Variants in WNT7A observed in about 807,000 individuals in gnomAD.
The protein encoded by WNT7A is Wnt family member 7A, also known as protein Wnt-7a.
In WNT7A, 16 loss-of-function variants were observed where a neutral mutation model predicts 28.2. That is an observed-to-expected ratio of 0.57 (90% CI 0.38 to 0.86). The LOEUF is 0.86. Among genes scored for constraint, WNT7A ranks in the 40% least tolerant of loss-of-function variants. The pLI is 0.00. For missense variants in WNT7A, 411 were observed against 489.7 expected, an observed-to-expected ratio of 0.84 and a Z score of 1.52; for synonymous variants, 190 against 195.9, an observed-to-expected ratio of 0.97 and a Z score of 0.25.
intron 2 of WNT7A, among the ~76,000 whole-genome samples, chr3:13,867,601 A>G (rs960796838): frequency 7.9e-5 from 12 of 152,140 alleles, no homozygotes; most frequent in African/African-American, 2.7e-4. Flanking sequence ...TCCTCAGTGA[A>G]AAGATACAAG....
chr3:13,819,632 A>G (rs560647593), intron 3 of WNT7A, among the ~76,000 whole-genome samples: 1 of 152,308 alleles, frequency 6.6e-6, no homozygotes, highest in East Asian at 1.9e-4. Flanking sequence ...CCCTCTGTGC[A>G]GCAGTTTCCC....
intron 3 of WNT7A, among the ~76,000 whole-genome samples, chr3:13,847,252 T>G (rs1694552026): frequency 6.6e-6 from 1 of 152,226 alleles, no homozygotes; most frequent in African/African-American, 2.4e-5. Flanking sequence ...CCAGACACCC[T>G]GGCCTGGTCA....
Position 13,818,350 on chromosome 3 carries a change from G to GAAAAAAAAAAAAAAAAAAAAAAA in WNT7A, c.*593_*594insTTTTTTTTTTTTTTTTTTTTTTT, listed in dbSNP as rs1491270987. 1.1e-4 allele frequency: 2 copies of GAAAAAAAAAAAAAAAAAAAAAAA among 18,160 alleles called. No homozygotes were observed. The highest frequency in any genetic ancestry group is 4.6e-4 in the African/African-American group (1 of 2,168). 1.1% of individuals were successfully genotyped at this position (18,160 alleles called of 1,614,324 possible). A position where few individuals can be genotyped will look rare whatever the true frequency, so the allele number is the denominator to read the frequency against. The stretch of plus-strand genomic sequence containing the variant: ...ATTTCTGGATAAGTAGCAGCAAACA[G>GAAAAAAAAAAAAAAAAAAAAAAA]CAAAAAAAAAAAAAAAAATGTGTGT... On this transcript the variant is annotated 3_prime_UTR_variant, in exon 4 of 4. Coordinates refer to ENST00000285018, the MANE Select transcript of WNT7A (RefSeq NM_004625.4).
Position 13,819,101 on chromosome 3 carries a change from G to C in WNT7A, c.893C>G (p.Ala298Gly), listed in dbSNP as rs1428932847. ...GAGGTCACAGCCGCTGGCCTGGGGA[G>C]CCGTCTTGTTGCAGGCGCGGCCCTG... ...GTQGRACNKT[A>G]PQASGCDLMC... Residue 298 changes from alanine to glycine, a missense_variant, in exon 4 of 4, where the codon GCT becomes GGT. Physicochemically the swap from Ala to Gly is moderately conservative, Grantham distance 60. Coordinates refer to ENST00000285018, the MANE Select transcript of WNT7A (RefSeq NM_004625.4). The C allele has an allele frequency of 6.2e-7, 1 of 1,614,170 alleles. No homozygotes were observed. Among genetic ancestry groups the C allele is most frequent in the East Asian group, 2.2e-5 (1 of 44,888 alleles).
At chr3:13,830,215 G>A (rs1183058307) in intron 3 of WNT7A, among the ~76,000 whole-genome samples, 3 of 152,160 alleles carry the variant, frequency 2.0e-5, no homozygotes, top group Non-Finnish European at 4.4e-5. Flanking sequence ...TGATCACATG[G>A]TAAAGGTGGG....
At chr3:13,856,978 A>AGAAGG (rs1694755162) in intron 2 of WNT7A, among the ~76,000 whole-genome samples, 1 of 100,680 alleles carries the variant, frequency 9.9e-6, no homozygotes, top group African/African-American at 6.7e-5. Context: ...GGAGAAGAAG[A>AGAAGG]AGAAGAAGGA....
At chr3:13,841,528 C>T (rs188839805) in intron 3 of WNT7A, among the ~76,000 whole-genome samples, 1 of 152,318 alleles carries the variant, frequency 6.6e-6, no homozygotes, top group African/African-American at 2.4e-5. Context: ...AGGCTGATCT[C>T]ATGGAGTTCT....
chr3:13,869,649 T>TACAAAGAA (rs150110135), intron 2 of WNT7A, among the ~76,000 whole-genome samples: 1 of 143,412 alleles, frequency 7.0e-6, no homozygotes, highest in African/African-American at 2.6e-5. Context: ...CACAGAAAAG[T>TACAAAGAA]AGAAAGAAAG....
intron 1 of WNT7A, chr3:13,877,142 A>G (rs1375930195): frequency 6.6e-6 from 1 of 152,258 alleles, no homozygotes; most frequent in Non-Finnish European, 1.5e-5. Context: ...ATGCATCAGT[A>G]AACTTGGGCA....
intron 2 of WNT7A, among the ~76,000 whole-genome samples, chr3:13,873,234 C>T (rs781082495): frequency 2.0e-5 from 3 of 151,942 alleles, no homozygotes; most frequent in Non-Finnish European, 2.9e-5. Context: ...GCAGGGCAGA[C>T]GGTGCAAGGC....
intron 1 of WNT7A, among the ~76,000 whole-genome samples, chr3:13,877,594 C>A (rs1278864980): frequency 2.0e-5 from 3 of 152,188 alleles, no homozygotes; most frequent in Non-Finnish European, 4.4e-5. Flanking sequence ...AGGTTCTCAT[C>A]CAAGCTTCCT....
chr3:13,824,811 T>C (rs1694167396), intron 3 of WNT7A, among the ~76,000 whole-genome samples: 1 of 152,232 alleles, frequency 6.6e-6, no homozygotes, highest in South Asian at 2.1e-4. Flanking sequence ...GGGAGGCTTG[T>C]GCTTGTGCAA....
At chr3:13,868,967 G>GGAGAAA (rs1427233683) in intron 2 of WNT7A, among the ~76,000 whole-genome samples, 3 of 128,294 alleles carry the variant, frequency 2.3e-5, no homozygotes, top group African/African-American at 9.1e-5. Context: ...AGGAAGGAAG[G>GGAGAAA]GAGAAAGAGA....
chr3:13,856,984 AAGG>A (rs776493595), intron 2 of WNT7A, among the ~76,000 whole-genome samples: 145 of 70,942 alleles, frequency 2.0e-3, no homozygotes, highest in African/African-American at 4.5e-3. Context: ...GAAGAAGAAG[AAGG>A]AGAAGAAGAA....
At chr3:13,837,038 G>A (rs1327771265) in intron 3 of WNT7A, among the ~76,000 whole-genome samples, 1 of 152,104 alleles carries the variant, frequency 6.6e-6, no homozygotes, top group East Asian at 1.9e-4. Context: ...CACACTGCAG[G>A]GCATTACTGG....
At chr3:13,844,378 G>T (rs1694506886) in intron 3 of WNT7A, among the ~76,000 whole-genome samples, 1 of 152,234 alleles carries the variant, frequency 6.6e-6, no homozygotes, top group South Asian at 2.1e-4. Flanking sequence ...GTGCCTTGCA[G>T]TGAGCAGCTG....
At chr3:13,870,254 G>C (rs1695010142) in intron 2 of WNT7A, among the ~76,000 whole-genome samples, 1 of 152,140 alleles carries the variant, frequency 6.6e-6, no homozygotes. Context: ...CTGTTAGTGT[G>C]GGCCCTAATC....
chr3:13,878,173 G>T (rs1695140602), intron 1 of WNT7A, among the ~76,000 whole-genome samples: 1 of 152,164 alleles, frequency 6.6e-6, no homozygotes, highest in African/African-American at 2.4e-5. Context: ...AATCCGGGGA[G>T]GCCGCGGCGC....
chr3:13,868,788 G>A, intron 2 of WNT7A, among the ~76,000 whole-genome samples: 5 of 100,998 alleles, frequency 5.0e-5, no homozygotes, highest in African/African-American at 2.0e-4. Flanking sequence ...GAGGAAGGAA[G>A]GAAGGGAGAG....
Sources: allele counts gnomAD v4.1 joint callset (sites outside exome capture counted in the v4.1 genomes callset), GRCh38; gene constraint gnomAD v4.1.1; transcripts MANE v1.5; gene names NCBI Gene and HGNC (gene_info 2026-07-23, HGNC 2026-07-21).